Variants in TBX1 observed in about 807,000 individuals in gnomAD.
The protein encoded by TBX1 is T-box transcription factor 1.
A neutral mutation model predicts 40.8 loss-of-function variants in TBX1; 16 were observed. The ratio of observed to expected loss-of-function variants is 0.39; its 90% CI spans 0.27 to 0.60. The LOEUF (loss-of-function observed/expected upper bound fraction) is 0.60. TBX1 is among the 20% of genes least tolerant of loss of function. The probability of loss-of-function intolerance (pLI) is 0.51; values close to 1 mark genes in which losing one functional copy is unlikely to be tolerated. For missense variants in TBX1, 755 were observed against 728.5 expected, an observed-to-expected ratio of 1.04 and a Z score of -0.42; for synonymous variants, 403 against 336.8, an observed-to-expected ratio of 1.20 and a Z score of -2.15.
chr22:19,763,307 C>G lies in TBX1; in HGVS notation c.504C>G (p.Leu168=), dbSNP rs763136442. The G allele has an allele frequency of 1.9e-6, 3 of 1,614,100 alleles. No homozygotes were observed. The South Asian group carries it at 3.3e-5, about 18-fold the overall frequency. Residue 168 remains leucine, a synonymous_variant, in exon 2 of 7, where the codon CTC becomes CTG. Transcript: ENST00000649276. ...ATCCCATGGCCGACTATATGCTGCT[C>G]ATGGACTTCGTGCCGGTGGACGATA... The part of the protein sequence containing the change: ...GMDPMADYML[L]MDFVPVDDKR...
At chr22:19,782,894 C>A, downstream of TBX1, 9 of 1,614,072 alleles carry the variant, frequency 5.6e-6, no homozygotes, top group Non-Finnish European at 7.6e-6. Flanking sequence ...GGATCTGTTT[C>A]CCCTCTCCTG....
At chr22:19,766,076 C>G (rs1335850217) in intron 6 of TBX1, 74 bp downstream of exon 6, 38 of 1,265,586 alleles carry the variant, frequency 3.0e-5, no homozygotes, top group Non-Finnish European at 3.5e-5. Flanking sequence ...CTCGCCCGAC[C>G]TCGCCTGCGC....
upstream of TBX1, among the ~76,000 whole-genome samples, chr22:19,760,667 C>T (rs1421640305): frequency 4.2e-5 from 2 of 47,912 alleles, no homozygotes; most frequent in African/African-American, 1.6e-4. Flanking sequence ...AGTCCATTGT[C>T]TCCGCGCGGG....
At chr22:19,776,017 G>C (rs114878522) in intron 8 of TBX1, among the ~76,000 whole-genome samples, 1,811 of 152,212 alleles carry the variant, frequency 0.012, 32 homozygotes, top group African/African-American at 0.041. Context: ...CCAAGTGCTC[G>C]GGCCCCAGGC....
In TBX1 at chr22:19,766,905, G is replaced by A. The variant is rs752531044; in HGVS notation, c.*38G>A. ...CGCGCTCCCGCCCCGGTCCTGCACA[G>A]CCCCGAAGTTCGCCGGGCCCGGCCA... is the stretch of plus-strand genomic sequence containing the variant. On this transcript the variant is annotated 3_prime_UTR_variant, in exon 7 of 7. Coordinates refer to ENST00000649276, the MANE Select transcript of TBX1 (RefSeq NM_001379200.1). The A allele has an allele frequency of 3.2e-5, 50 of 1,573,844 alleles. No homozygotes were observed. The highest frequency in any genetic ancestry group is 4.1e-5 in the Non-Finnish European group (48 of 1,168,190).
In TBX1 at chr22:19,766,735, G is replaced by T; in HGVS notation, c.1383G>T (p.Pro461=). Residue 461 remains proline (P), a synonymous_variant, in exon 7 of 7, where the codon CCG becomes CCT. Transcript: ENST00000649276. ...RGHGYHPHAH[P]HHHHHPVSPA... is the part of the protein sequence containing the mutation. ...ACGGCTACCACCCGCACGCGCATCC[G>T]CACCACCACCACCACCCCGTGAGTC... The T allele has an allele frequency of 6.5e-7, 1 of 1,541,898 alleles. No individual in the cohort carries two copies. The highest frequency in any genetic ancestry group is 8.7e-7 in the Non-Finnish European group (1 of 1,153,900).
chr22:19,774,711 C>T (rs1340789280), intron 8 of TBX1, among the ~76,000 whole-genome samples: 1 of 152,122 alleles, frequency 6.6e-6, no homozygotes, highest in Non-Finnish European at 1.5e-5. Flanking sequence ...TGAATTGAGC[C>T]GGTCACAAAG....
At chr22:19,760,738 G>A (rs1381165790), upstream of TBX1, among the ~76,000 whole-genome samples, 6 of 141,200 alleles carry the variant, frequency 4.2e-5, no homozygotes, top group African/African-American at 1.5e-4. Context: ...CTGCGGTGTG[G>A]GGCTGCACGG....
intron 8 of TBX1, among the ~76,000 whole-genome samples, chr22:19,778,530 G>A (rs983433729): frequency 1.3e-5 from 2 of 151,678 alleles, no homozygotes; most frequent in Non-Finnish European, 2.9e-5. Context: ...CACCTCCTGG[G>A]CTCAAGCAAT....
chr22:19,759,588 G>A, upstream of TBX1: 1 of 1,604,184 alleles, frequency 6.2e-7, no homozygotes, highest in Non-Finnish European at 8.5e-7. Flanking sequence ...GCCCACCAGG[G>A]CTCAGGGTCC....
downstream of TBX1, among the ~76,000 whole-genome samples, chr22:19,771,222 C>T (rs1429727990): frequency 4.6e-5 from 7 of 152,240 alleles, no homozygotes; most frequent in Non-Finnish European, 7.3e-5. Context: ...GGGCACGGCC[C>T]CCCAGCCTGG....
At chr22:19,760,360 T>C (rs1601281385), upstream of TBX1, among the ~76,000 whole-genome samples, 1 of 141,722 alleles carries the variant, frequency 7.1e-6, no homozygotes, top group South Asian at 2.2e-4. Flanking sequence ...AGGCGGAAAG[T>C]AAAACAGAAA....
chr22:19,761,943 GC>G (rs1936680774), intron 1 of TBX1, among the ~76,000 whole-genome samples: 1 of 152,214 alleles, frequency 6.6e-6, no homozygotes, highest in Non-Finnish European at 1.5e-5. Flanking sequence ...AACAAGTTTT[GC>G]AGATGCACCC....
downstream of TBX1, among the ~76,000 whole-genome samples, chr22:19,779,866 G>A (rs888998077): frequency 7.9e-5 from 12 of 152,190 alleles, no homozygotes; most frequent in African/African-American, 2.9e-4. Context: ...ACATCACTCG[G>A]GAAAAGCCCT....
At chr22:19,759,515 T>A (rs1223507784), upstream of TBX1, 2 of 1,518,354 alleles carry the variant, frequency 1.3e-6, no homozygotes. Flanking sequence ...GAGCCCGCTG[T>A]CTCCCCGAGC....
chr22:19,780,698 T>A (rs1937131691), downstream of TBX1, among the ~76,000 whole-genome samples: 1 of 152,130 alleles, frequency 6.6e-6, no homozygotes, highest in African/African-American at 2.4e-5. Context: ...CCACACTGTT[T>A]TCCATAGCTG....
In TBX1 at chr22:19,766,450, C is replaced by G. The variant is rs1377779888; in HGVS notation, c.1098C>G (p.Asp366Glu). 2 of 1,329,770 alleles carry G rather than the reference C, an allele frequency of 1.5e-6. No homozygotes were observed. Among genetic ancestry groups the G allele is most frequent in the Non-Finnish European group, 1.9e-6 (2 of 1,033,550 alleles). The allele number at this position is 1,329,770 out of a possible 1,614,324, so 82.4% of individuals were successfully genotyped here. A position where few individuals can be genotyped will look rare whatever the true frequency, so the allele number is the denominator to read the frequency against. ...RDAGGPAVLG[D>E]PAHPPQLLAR... ...CGGGCGGGCCAGCAGTGCTCGGGGA[C>G]CCGGCGCATCCTCCGCAGCTGCTGG... is the stretch of plus-strand genomic sequence containing the variant. Residue 366 changes from aspartate to glutamate, a missense_variant, in exon 7 of 7, where the codon GAC (aspartate) becomes GAG (glutamate). Coordinates refer to ENST00000649276, the MANE Select transcript of TBX1 (RefSeq NM_001379200.1).
chr22:19,759,683 C>T (rs1263773731), upstream of TBX1: 7 of 1,612,234 alleles, frequency 4.3e-6, no homozygotes, highest in Non-Finnish European at 5.9e-6. Flanking sequence ...GGAAGGTGAG[C>T]CTCCAGGCCG....
chr22:19,759,804 A>G, upstream of TBX1: 2 of 1,145,926 alleles, frequency 1.7e-6, no homozygotes, highest in Non-Finnish European at 2.5e-6. Context: ...TCTGGCTGCG[A>G]TTCTGGGGCA....
Sources: gnomAD v4.1 joint callset for allele counts (sites outside exome capture counted in the v4.1 genomes callset) on GRCh38, gnomAD v4.1.1 for gene constraint, MANE v1.5 for transcripts, NCBI Gene and HGNC (gene_info 2026-07-23, HGNC 2026-07-21) for gene names.